The following ADCY9 variants were observed in gnomAD, a reference collection of about 807,000 sequenced individuals.
The protein encoded by ADCY9 is adenylate cyclase 9, also known as adenylate cyclase type 9.
ADCY9 carries 50 observed loss-of-function variants against 101.5 expected under a neutral mutation model. The ratio of observed to expected loss-of-function variants is 0.49; its 90% CI spans 0.39 to 0.62. ADCY9 has a LOEUF of 0.62. ADCY9 is among the 20% of genes least tolerant of loss of function. The pLI, the probability that ADCY9 is intolerant of heterozygous loss-of-function variation, is 0.00. For missense variants in ADCY9, 1,662 were observed against 1,800.4 expected (o/e 0.92, Z 1.39); for synonymous variants, 905 against 769.3 (o/e 1.18, Z -2.92).
chr16:4,035,658 C>T (rs898495814), intron 2 of ADCY9, among the ~76,000 whole-genome samples: 5 of 152,234 alleles, frequency 3.3e-5, no homozygotes, highest in South Asian at 2.1e-4. Flanking sequence ...AGGGAAATTT[C>T]GCTTTGTTTC....
intron 2 of ADCY9, 78 bp from the exon 3 acceptor site, chr16:4,007,636 A>G (rs73490521): frequency 0.15 from 189,403 of 1,272,164 alleles, 15,101 homozygotes; most frequent in African/African-American, 0.24. Flanking sequence ...TGCTCTCTGG[A>G]GAGGACTCAC....
chr16:3,969,359 G>A (rs1216893056), intron 10 of ADCY9, among the ~76,000 whole-genome samples: 4 of 149,762 alleles, frequency 2.7e-5, no homozygotes, highest in Non-Finnish European at 5.9e-5. Context: ...CGATTCTTGC[G>A]GCCCAGCCTC....
intron 2 of ADCY9, among the ~76,000 whole-genome samples, chr16:4,110,192 C>A (rs898959720): frequency 6.6e-6 from 1 of 152,132 alleles, no homozygotes; most frequent in African/African-American, 2.4e-5. Flanking sequence ...TGGGGCCGAG[C>A]CCAAGAGGGT....
intron 2 of ADCY9, among the ~76,000 whole-genome samples, chr16:4,022,854 A>C (rs952841340): frequency 7.9e-5 from 12 of 152,228 alleles, no homozygotes; most frequent in African/African-American, 2.2e-4. Flanking sequence ...CTTTTATCCT[A>C]TTCATTCTTT....
At chr16:4,054,639 C>T (rs905621671) in intron 2 of ADCY9, among the ~76,000 whole-genome samples, 2 of 151,712 alleles carry the variant, frequency 1.3e-5, no homozygotes, top group Admixed American at 6.6e-5. Flanking sequence ...GGCACAATCT[C>T]GGCTCACTGC....
At chr16:4,097,487 T>C (rs2532006) in intron 2 of ADCY9, among the ~76,000 whole-genome samples, 43,137 of 72,898 alleles carry the variant, frequency 0.59, 12,045 homozygotes, top group Admixed American at 0.68. Flanking sequence ...TATATATATA[T>C]ACACACACAC....
At chr16:4,029,027 C>T (rs1180743033) in intron 2 of ADCY9, among the ~76,000 whole-genome samples, 1 of 152,166 alleles carries the variant, frequency 6.6e-6, no homozygotes, top group Non-Finnish European at 1.5e-5. Flanking sequence ...TCGTGATCCA[C>T]CCTCCTCGGC....
At position 4,114,661 on chromosome 16, in the gene ADCY9, T is replaced by A. The variant is rs368901949; in HGVS notation, c.782A>T (p.Tyr261Phe). The change falls in exon 2 of 11, where the codon TAC becomes TTC. Residue 261 changes from tyrosine to phenylalanine, a missense_variant. This residue lies in a region of ADCY9 where 422 missense variants were observed against 392.0 expected (regional missense o/e 1.08). Coordinates refer to ENST00000294016, the MANE Select transcript of ADCY9 (RefSeq NM_001116.4). This position sits in a 1 kb window ranked among gnomAD's most constrained non-coding sequence, Gnocchi z 4.3. ...AYSVLFETFGYHFRDEACFPS... is the reference protein window; with the variant it reads ...AYSVLFETFGFHFRDEACFPS... ...GAAGCAGGCTTCATCCCGGAAATGG[T>A]AGCCAAAGGTCTCGAAAAGGACAGA... is the stretch of plus-strand genomic sequence containing the variant. 6 of 1,613,294 alleles carry A rather than the reference T, an allele frequency of 3.7e-6. No homozygotes were observed. The highest frequency in any genetic ancestry group is 5.1e-6 in the Non-Finnish European group (6 of 1,180,034).
At chr16:4,089,720 C>T (rs986527932) in intron 2 of ADCY9, among the ~76,000 whole-genome samples, 1 of 151,942 alleles carries the variant, frequency 6.6e-6, no homozygotes, top group Non-Finnish European at 1.5e-5. Flanking sequence ...TGGGAGGCTC[C>T]CGAGACAAGA....
intron 2 of ADCY9, among the ~76,000 whole-genome samples, chr16:4,100,890 G>C (rs953907663): frequency 6.6e-6 from 1 of 152,190 alleles, no homozygotes; most frequent in Non-Finnish European, 1.5e-5. Flanking sequence ...GGATACGTGA[G>C]GGCAGGGTAC....
chr16:3,960,166 G>A (rs1399014905), downstream of ADCY9, among the ~76,000 whole-genome samples: 2 of 152,150 alleles, frequency 1.3e-5, no homozygotes, highest in African/African-American at 4.8e-5. Flanking sequence ...TCTCTCCTCT[G>A]GTTACCGTGG....
chr16:4,115,407 G>C lies in ADCY9; in HGVS notation c.36C>G (p.His12Gln), dbSNP rs759652644. ...ASPPHQQLLH[H>Q]HSTEVSCDSS... Reference sequence around the variant, plus strand: ...AGTCGCAGCTCACCTCGGTGCTGTGGTGATGCAGCAGCTGCTGGTGGGGTG... The same window carrying C: ...AGTCGCAGCTCACCTCGGTGCTGTGCTGATGCAGCAGCTGCTGGTGGGGTG... Residue 12 changes from histidine to glutamine, a missense_variant, in exon 2 of 11, where the codon CAC becomes CAG. Physicochemically the swap from His to Gln is conservative, Grantham distance 24. Transcript: ENST00000294016. The surrounding 1 kb of genome is among the most constrained non-coding windows in gnomAD (Gnocchi z 6.2). 6.3e-7 allele frequency: 1 copy of C among 1,580,918 alleles called. No individual in the cohort carries two copies. Among genetic ancestry groups the C allele is most frequent in the Non-Finnish European group, 8.6e-7 (1 of 1,164,036 alleles).
intron 8 of ADCY9, 84 bp downstream of exon 8, chr16:3,979,032 A>G: frequency 6.4e-7 from 1 of 1,564,030 alleles, no homozygotes; most frequent in South Asian, 1.1e-5. Context: ...TTATTTTTAA[A>G]TTGCTATCCC....
In ADCY9 at chr16:3,977,505, G is replaced by C. The variant is rs763072978; in HGVS notation, c.2805C>G (p.Leu935=). ...TVVGAGPLLL[L]YVSLCPDSSV... is the part of the protein sequence containing the mutation. ...ACCTGTCTGGGCACAGGGAGACGTA[G>C]AGCAGGAGCAGCGGCCCGGCCCCCA... Residue 935 remains leucine, a synonymous_variant, in exon 9 of 11, where the codon CTC becomes CTG. Transcript: ENST00000294016. 1.5e-5 allele frequency: 24 copies of C among 1,575,588 alleles called. No homozygotes were observed. The highest frequency in any genetic ancestry group is 1.9e-5 in the Admixed American group (1 of 53,782).
chr16:4,091,539 C>A (rs2056973811), intron 2 of ADCY9, among the ~76,000 whole-genome samples: 1 of 152,114 alleles, frequency 6.6e-6, no homozygotes, highest in Non-Finnish European at 1.5e-5. Flanking sequence ...TCCACAATAG[C>A]CAAGAGGCAG....
intron 2 of ADCY9, among the ~76,000 whole-genome samples, chr16:4,047,892 T>A (rs933385465): frequency 1.3e-5 from 2 of 152,198 alleles, no homozygotes; most frequent in African/African-American, 4.8e-5. Flanking sequence ...AGTCCCTAAC[T>A]TGCCCTGAAC....
At chr16:4,009,210 T>G (rs1312493599) in intron 2 of ADCY9, among the ~76,000 whole-genome samples, 1 of 152,074 alleles carries the variant, frequency 6.6e-6, no homozygotes, top group Non-Finnish European at 1.5e-5. Context: ...ATCAAAAGAC[T>G]TAGATATTTT....
At chr16:3,974,921 A>C (rs1339088839) in intron 9 of ADCY9, among the ~76,000 whole-genome samples, 1 of 152,106 alleles carries the variant, frequency 6.6e-6, no homozygotes, top group African/African-American at 2.4e-5. Flanking sequence ...GTCTTTGTTT[A>C]CCATCCCGCA....
chr16:4,113,683 T>G, intron 2 of ADCY9, 67 bp downstream of exon 2: 1 of 1,117,218 alleles, frequency 9.0e-7, no homozygotes, highest in East Asian at 3.1e-5. Flanking sequence ...GGCTGGAAGC[T>G]TTTTTTTTTA....
Sources: allele counts gnomAD v4.1 joint callset (sites outside exome capture counted in the v4.1 genomes callset), GRCh38; gene constraint gnomAD v4.1.1; regional missense constraint gnomAD v4.1.1; non-coding constraint Gnocchi (gnomAD v3.1); transcripts MANE v1.5; gene names NCBI Gene and HGNC (gene_info 2026-07-23, HGNC 2026-07-21).